KHDRBS2: variants seen among roughly 807,000 people sequenced by gnomAD.
KHDRBS2 encodes the protein KH domain-containing, RNA-binding, signal transduction-associated protein 2.
KHDRBS2 carries 26 observed loss-of-function variants against 44.3 expected under a neutral mutation model. The observed-to-expected ratio is 0.59, with a 90% CI of 0.43 to 0.81. KHDRBS2 has a LOEUF of 0.81. Ranked by LOEUF, KHDRBS2 falls within the 40% of genes least tolerant of loss-of-function variation. KHDRBS2 has a pLI of 0.00. For synonymous variants in KHDRBS2, 194 were observed against 151.1 expected, an observed-to-expected ratio of 1.28 and a Z score of -2.08; for missense variants, 476 against 433.1, an observed-to-expected ratio of 1.10 and a Z score of -0.88.
intron 4 of KHDRBS2, among the ~76,000 whole-genome samples, chr6:61,972,971 G>C (rs560265890): frequency 6.6e-6 from 1 of 152,108 alleles, no homozygotes; most frequent in South Asian, 2.1e-4. Flanking sequence ...CATGGCAAAA[G>C]CCCATCTCTA....
At chr6:62,182,772 T>C (rs1048357490) in intron 1 of KHDRBS2, among the ~76,000 whole-genome samples, 1 of 151,920 alleles carries the variant, frequency 6.6e-6, no homozygotes, top group Non-Finnish European at 1.5e-5. Context: ...AGAATGTTTC[T>C]TCATTTTGCT....
chr6:61,950,780 G>A (rs374851090), intron 4 of KHDRBS2, among the ~76,000 whole-genome samples: 3 of 151,952 alleles, frequency 2.0e-5, no homozygotes, highest in Non-Finnish European at 2.9e-5. Flanking sequence ...GAGTTCCATT[G>A]CCATATCTTT....
intron 2 of KHDRBS2, among the ~76,000 whole-genome samples, chr6:62,122,992 C>T (rs1808058251): frequency 6.6e-6 from 1 of 152,012 alleles, no homozygotes; most frequent in Admixed American, 6.5e-5. Flanking sequence ...TGTTGGTTTG[C>T]TGCACCCATC....
At position 62,201,578 on chromosome 6, in the gene KHDRBS2, T is replaced by G. The variant is rs1284437472; in HGVS notation, c.92-24266A>C. 2.6e-5 allele frequency among the ~76,000 whole-genome samples: 4 copies of G among 152,060 alleles called. No homozygotes were observed. The East Asian group carries it at 7.7e-4, about 29-fold the overall frequency. ...CAAGTATATTAACAATAGAAGACAG[T>G]GAGCTACAGGTAGAAAAATACATGC... On this transcript the variant is annotated intron_variant, in intron 1 of 8. Transcript: ENST00000281156.
rs1360329059 is a variant in KHDRBS2, at chr6:61,894,412, T to C, written c.810+223A>G. 3.3e-5 allele frequency among the ~76,000 whole-genome samples: 5 copies of C among 152,192 alleles called. No homozygotes were observed. The East Asian group carries it at 5.8e-4, about 18-fold the overall frequency. ...CTAAGGATAAGTTTGGTTCTTAAAA[T>C]ACAAGCTCTTTAACTAGCACTAACA... is the stretch of plus-strand genomic sequence containing the variant. On this transcript the variant is annotated intron_variant, in intron 6 of 8. Coordinates refer to ENST00000281156, the MANE Select transcript of KHDRBS2 (RefSeq NM_152688.4).
chr6:61,943,986 T>G (rs1477098454), intron 4 of KHDRBS2, among the ~76,000 whole-genome samples: 1 of 152,114 alleles, frequency 6.6e-6, no homozygotes, highest in African/African-American at 2.4e-5. Flanking sequence ...GAATAGCTAT[T>G]ATGAAAAAGA....
At chr6:62,164,916 T>C (rs1434732606) in intron 2 of KHDRBS2, among the ~76,000 whole-genome samples, 1 of 151,856 alleles carries the variant, frequency 6.6e-6, no homozygotes, top group African/African-American at 2.4e-5. Flanking sequence ...CTAAGTGAGG[T>C]TCACATTTTT....
intron 8 of KHDRBS2, among the ~76,000 whole-genome samples, chr6:61,691,342 G>C (rs1315464069): frequency 1.3e-5 from 2 of 152,078 alleles, no homozygotes; most frequent in African/African-American, 4.8e-5. Flanking sequence ...AATTGGATTA[G>C]ATATCAATCT....
rs780019472 is a variant in KHDRBS2, at chr6:61,760,015, CAA to C, written c.811-27253_811-27252del. ...TTTCTTGTATTTGTTTGCTTACTCACAAAATAATATTGAAAAAAAATAACATG... is the reference window on the plus strand; with the variant it reads ...TTTCTTGTATTTGTTTGCTTACTCACAATAATATTGAAAAAAAATAACATG... On this transcript the variant is annotated intron_variant, in intron 6 of 8. Transcript: ENST00000281156. Among the ~76,000 whole-genome samples the C allele has an allele frequency of 2.8e-4, 43 of 152,058 alleles. 1 individual carries two copies. The highest frequency in any genetic ancestry group is 5.1e-4 in the Non-Finnish European group (35 of 67,986).
At chr6:62,248,579 G>A (rs1235790596) in intron 1 of KHDRBS2, among the ~76,000 whole-genome samples, 6 of 151,832 alleles carry the variant, frequency 4.0e-5, no homozygotes, top group Non-Finnish European at 7.4e-5. Context: ...GGCTGGTCTC[G>A]AACTCCTGAA....
intron 3 of KHDRBS2, among the ~76,000 whole-genome samples, chr6:62,006,346 A>T (rs1160847176): frequency 6.6e-6 from 1 of 152,114 alleles, no homozygotes; most frequent in Non-Finnish European, 1.5e-5. Context: ...CTTGTAAGAC[A>T]AAGAGCAAGA....
chr6:61,791,014 T>G (rs1270642799), intron 6 of KHDRBS2, among the ~76,000 whole-genome samples: 5 of 151,546 alleles, frequency 3.3e-5, no homozygotes, highest in African/African-American at 1.2e-4. Flanking sequence ...TTCTGGAAAT[T>G]TGTTCATTTA....
chr6:61,829,179 T>A (rs758089755), intron 6 of KHDRBS2, among the ~76,000 whole-genome samples: 1 of 152,236 alleles, frequency 6.6e-6, no homozygotes, highest in Admixed American at 6.5e-5. Flanking sequence ...TTGTTGTTGT[T>A]GAGACGCAGT....
chr6:61,902,872 G>A (rs1479621109), intron 4 of KHDRBS2, among the ~76,000 whole-genome samples: 1 of 152,150 alleles, frequency 6.6e-6, no homozygotes, highest in African/African-American at 2.4e-5. Flanking sequence ...AGCCTACAAG[G>A]ATTTCTTTGG....
At chr6:62,105,863 T>C (rs1014756360) in intron 2 of KHDRBS2, among the ~76,000 whole-genome samples, 1 of 152,214 alleles carries the variant, frequency 6.6e-6, no homozygotes, top group Admixed American at 6.5e-5. Flanking sequence ...CTTTTAATTG[T>C]GATGTTAAGG....
intron 4 of KHDRBS2, among the ~76,000 whole-genome samples, chr6:61,950,778 T>C (rs1250763326): frequency 6.6e-6 from 1 of 152,044 alleles, no homozygotes; most frequent in Non-Finnish European, 1.5e-5. Context: ...CTGAGTTCCA[T>C]TGCCATATCT....
the KHDRBS2 span, among the ~76,000 whole-genome samples, chr6:61,622,716 T>A: frequency 6.6e-6 from 1 of 152,096 alleles, no homozygotes; most frequent in African/African-American, 2.4e-5. Flanking sequence ...CATGCTTGAA[T>A]GGCTGTAAGA....
chr6:62,156,379 A>C (rs574306407), intron 2 of KHDRBS2, among the ~76,000 whole-genome samples: 2 of 152,276 alleles, frequency 1.3e-5, no homozygotes, highest in African/African-American at 4.8e-5. Flanking sequence ...TCTTACAATA[A>C]AGCATTTATT....
At position 61,840,914 on chromosome 6, in the gene KHDRBS2, A is replaced by T. The variant is rs76117475; in HGVS notation, c.810+53721T>A. ...AAATGGAAATGGAGACATGCAGTCCAAGTAACAGGCCTCAGTGACCACTGG... is the reference window on the plus strand; with the variant it reads ...AAATGGAAATGGAGACATGCAGTCCTAGTAACAGGCCTCAGTGACCACTGG... On this transcript the variant is annotated intron_variant, in intron 6 of 8. Coordinates refer to ENST00000281156, the MANE Select transcript of KHDRBS2 (RefSeq NM_152688.4). 2.6e-4 allele frequency among the ~76,000 whole-genome samples: 39 copies of T among 152,276 alleles called. No homozygotes were observed. In the East Asian group the frequency reaches 6.2e-3, roughly 24 times the overall value.
Sources: gnomAD v4.1 joint callset for allele counts (sites outside exome capture counted in the v4.1 genomes callset) on GRCh38, gnomAD v4.1.1 for gene constraint, MANE v1.5 for transcripts, NCBI Gene and HGNC (gene_info 2026-07-23, HGNC 2026-07-21) for gene names.